Variants in STX7 observed in about 807,000 individuals in gnomAD.
The protein encoded by STX7 is syntaxin-7.
In STX7, 34 loss-of-function variants were observed where a neutral mutation model predicts 39.6. That is an observed-to-expected ratio of 0.86 (90% CI 0.65 to 1.14). The LOEUF (loss-of-function observed/expected upper bound fraction) is 1.14. Among genes scored for constraint, STX7 ranks in the 50% most tolerant of loss-of-function variants. The pLI, the probability that STX7 is intolerant of heterozygous loss-of-function variation, is 0.00. For missense variants in STX7, 284 were observed against 310.4 expected (o/e 0.92, Z 0.64); for synonymous variants, 119 against 99.1 (o/e 1.20, Z -1.19).
rs1316926146 is a variant in STX7, at chr6:132,458,475, C to A, written c.*2283G>T. 6.6e-6 allele frequency: 1 copy of A among 152,172 alleles called. No individual in the cohort carries two copies. Among genetic ancestry groups the A allele is most frequent in the African/African-American group, 2.4e-5 (1 of 41,414 alleles). 9.4% of individuals were successfully genotyped at this position (152,172 alleles called of 1,614,324 possible). The stretch of plus-strand genomic sequence containing the variant: ...ATTTACCTGGCTGGTTAATATCAGT[C>A]TGTGTTTGAGTATTTCTTTTGAGCA... On this transcript the variant is annotated 3_prime_UTR_variant, in exon 10 of 10. Coordinates refer to ENST00000367941, the MANE Select transcript of STX7 (RefSeq NM_003569.3).
chr6:132,468,715 C>A (rs542680678), intron 7 of STX7, among the ~76,000 whole-genome samples: 2 of 95,882 alleles, frequency 2.1e-5, no homozygotes, highest in Admixed American at 1.9e-4. Context: ...ACCAAGTGAG[C>A]GAGGCAGGAT....
chr6:132,502,897 T>TA (rs995863274), intron 2 of STX7, among the ~76,000 whole-genome samples: 2,117 of 143,356 alleles, frequency 0.015, 51 homozygotes, highest in African/African-American at 0.05. Flanking sequence ...AGGCTGTCTC[T>TA]AAAAAAAAAA....
At position 132,447,880 on chromosome 6, in the gene STX7, T is replaced by C. The variant is rs1774051741; in HGVS notation, c.*12878A>G. On this transcript the variant is annotated 3_prime_UTR_variant, in exon 10 of 10. Transcript: ENST00000367941. ...ATATTTATTGTAACCATTTATTATA[T>C]ACTATGCCATTTCTTTGCTTTTTCT... The C allele has an allele frequency of 3.3e-5, 5 of 152,288 alleles. No individual in the cohort carries two copies. Among genetic ancestry groups the C allele is most frequent in the South Asian group, 4.1e-4 (2 of 4,828 alleles). 9.4% of individuals were successfully genotyped at this position (152,288 alleles called of 1,614,324 possible).
chr6:132,490,157 G>T (rs1291770223), intron 2 of STX7, among the ~76,000 whole-genome samples: 5 of 152,220 alleles, frequency 3.3e-5, no homozygotes, highest in Non-Finnish European at 7.3e-5. Context: ...GGGCAGTGGT[G>T]AGGCCTTGCG....
At chr6:132,470,337 A>G (rs1172615997) in intron 6 of STX7, among the ~76,000 whole-genome samples, 3 of 152,080 alleles carry the variant, frequency 2.0e-5, no homozygotes, top group Non-Finnish European at 4.4e-5. Context: ...CATATAAGGG[A>G]ATGTCTATAT....
chr6:132,494,707 A>C (rs1775379955), intron 2 of STX7, among the ~76,000 whole-genome samples: 1 of 152,144 alleles, frequency 6.6e-6, no homozygotes, highest in Non-Finnish European at 1.5e-5. Context: ...GTAGTTGACA[A>C]GTGGGGGCAG....
intron 2 of STX7, among the ~76,000 whole-genome samples, chr6:132,495,823 G>GAA (rs1775408946): frequency 6.6e-6 from 1 of 152,178 alleles, no homozygotes; most frequent in East Asian, 1.9e-4. Flanking sequence ...GAACCTTATG[G>GAA]GGACAGGAGC....
At chr6:132,489,364 T>C (rs1250309969) in intron 2 of STX7, among the ~76,000 whole-genome samples, 1 of 151,960 alleles carries the variant, frequency 6.6e-6, no homozygotes, top group East Asian at 1.9e-4. Flanking sequence ...TAGAGAAAAA[T>C]GTATCATTAG....
intron 2 of STX7, among the ~76,000 whole-genome samples, chr6:132,501,289 C>T (rs184173325): frequency 3.3e-5 from 5 of 152,028 alleles, no homozygotes; most frequent in East Asian, 1.9e-4. Context: ...CCTGACCTCC[C>T]GTGATCTGCC....
At position 132,450,267 on chromosome 6, in the gene STX7, A is replaced by G. The variant is rs1415289285; in HGVS notation, c.*10491T>C. Reference sequence around the variant, plus strand: ...ATACCTAGTCAACCATATGGCAGGAAGCAGAAATCATCTACTTCGTAGTTG... The same window carrying G: ...ATACCTAGTCAACCATATGGCAGGAGGCAGAAATCATCTACTTCGTAGTTG... On this transcript the variant is annotated 3_prime_UTR_variant, in exon 10 of 10. Transcript: ENST00000367941. 1 of 152,192 alleles carries G rather than the reference A, an allele frequency of 6.6e-6. No homozygotes were observed. The highest frequency in any genetic ancestry group is 2.4e-5 in the African/African-American group (1 of 41,454). 9.4% of individuals were successfully genotyped at this position (152,192 alleles called of 1,614,324 possible).
intron 9 of STX7, 37 bp downstream of exon 9, chr6:132,463,956 G>C (rs1451829663): frequency 6.3e-7 from 1 of 1,594,906 alleles, no homozygotes; most frequent in Non-Finnish European, 8.6e-7. Flanking sequence ...CATACGAAAA[G>C]GATAAGTTAT....
intron 2 of STX7, among the ~76,000 whole-genome samples, chr6:132,488,944 G>A (rs182732733): frequency 2.6e-4 from 39 of 152,272 alleles, no homozygotes; most frequent in Middle Eastern, 3.4e-3. Flanking sequence ...GCTCGTGCCT[G>A]TAATCCCAGC....
At chr6:132,483,811 G>C (rs1204222178) in intron 2 of STX7, among the ~76,000 whole-genome samples, 1 of 152,138 alleles carries the variant, frequency 6.6e-6, no homozygotes, top group East Asian at 1.9e-4. Context: ...TAGAGAAAGG[G>C]AGATAAGAGG....
At chr6:132,482,031 C>T in intron 2 of STX7, among the ~76,000 whole-genome samples, 1 of 152,120 alleles carries the variant, frequency 6.6e-6, no homozygotes, top group East Asian at 1.9e-4. Flanking sequence ...AAGTTTTATT[C>T]ATTTTGGTTT....
At chr6:132,466,960 T>C (rs1774580349) in intron 8 of STX7, among the ~76,000 whole-genome samples, 2 of 152,150 alleles carry the variant, frequency 1.3e-5, no homozygotes, top group South Asian at 4.1e-4. Context: ...TTAAAAAATA[T>C]CTGAAATCCA....
At position 132,448,035 on chromosome 6, in the gene STX7, T is replaced by G. The variant is rs1774055407; in HGVS notation, c.*12723A>C. 1 of 152,142 alleles carries G rather than the reference T, an allele frequency of 6.6e-6. No homozygotes were observed. Among genetic ancestry groups the G allele is most frequent in the African/African-American group, 2.4e-5 (1 of 41,438 alleles). 9.4% of individuals were successfully genotyped at this position (152,142 alleles called of 1,614,324 possible). A position where few individuals can be genotyped will look rare whatever the true frequency, so the allele number is the denominator to read the frequency against. ...ATATTGTATTGCTATTCTTTAAAGG[T>G]TATCTGAAAATTTTCTGTTAAGTAC... On this transcript the variant is annotated 3_prime_UTR_variant, in exon 10 of 10. Transcript: ENST00000367941.
intron 1 of STX7, among the ~76,000 whole-genome samples, chr6:132,511,005 C>T (rs1775833340): frequency 6.6e-6 from 1 of 152,202 alleles, no homozygotes; most frequent in African/African-American, 2.4e-5. Flanking sequence ...CTTTCTTAAT[C>T]ATTAGCATCA....
rs1390065432 is a variant in STX7, at chr6:132,503,315, G to A, written c.85+131C>T. 5.9e-6 allele frequency: 4 copies of A among 677,748 alleles called. No homozygotes were observed. In the East Asian group the frequency reaches 8.0e-5, roughly 14 times the overall value. The allele number at this position is 677,748 out of a possible 1,614,324, so 42.0% of individuals were successfully genotyped here. On this transcript the variant is annotated intron_variant, in intron 2 of 9. Coordinates refer to ENST00000367941, the MANE Select transcript of STX7 (RefSeq NM_003569.3). ...CTTGCATTCATTCTAAAGAGTTCGA[G>A]CCCTTTAAAACCTGTTGTTAGAGGA...
intron 2 of STX7, among the ~76,000 whole-genome samples, chr6:132,482,970 CA>C (rs1030708828): frequency 2.1e-5 from 3 of 140,522 alleles, no homozygotes; most frequent in South Asian, 2.2e-4. Flanking sequence ...AAAGGGTTAA[CA>C]AAAAAGAAAA....
Sources: allele counts gnomAD v4.1 joint callset (sites outside exome capture counted in the v4.1 genomes callset), GRCh38; gene constraint gnomAD v4.1.1; transcripts MANE v1.5; gene names NCBI Gene and HGNC (gene_info 2026-07-23, HGNC 2026-07-21).